WDR19: variants seen among roughly 807,000 people sequenced by gnomAD.
WDR19 encodes the protein WD repeat-containing protein 19.
In WDR19, 121 loss-of-function variants were observed where a neutral mutation model predicts 180.0. That is an observed-to-expected ratio of 0.67 (90% confidence interval 0.58 to 0.78). The LOEUF is 0.78. Among genes scored for constraint, WDR19 ranks in the 30% least tolerant of loss-of-function variants. WDR19 has a pLI of 0.00. For missense variants in WDR19, 1,450 were observed against 1,640.7 expected (o/e 0.88, Z 2.01); for synonymous variants, 497 against 540.7 (o/e 0.92, Z 1.12).
In WDR19 at chr4:39,257,723, C is replaced by T. The variant is rs564491163; in HGVS notation, c.3183+169C>T. On this transcript the variant is annotated intron_variant, in intron 28 of 36. Coordinates refer to ENST00000399820, the MANE Select transcript of WDR19 (RefSeq NM_025132.4). Reference sequence around the variant, plus strand: ...CATAGACAGCCTCATTTTTTTCATACCCTCACCCTCTTTCCCCGGTTTTTT... The same window carrying T: ...CATAGACAGCCTCATTTTTTTCATATCCTCACCCTCTTTCCCCGGTTTTTT... Among the ~76,000 whole-genome samples the T allele has an allele frequency of 2.7e-5, 4 of 150,268 alleles. No individual in the cohort carries two copies. The South Asian group carries it at 6.4e-4, about 24-fold the overall frequency.
chr4:39,186,477 T>TC lies in WDR19; in HGVS notation c.99-61dup, dbSNP rs377285143. The TC allele has an allele frequency of 1.3e-3, 812 of 602,498 alleles. 16 individuals carry two copies. In the African/African-American group the frequency reaches 0.053, roughly 39 times the overall value. 37.3% of individuals were successfully genotyped at this position (602,498 alleles called of 1,614,324 possible). A position where few individuals can be genotyped will look rare whatever the true frequency, so the allele number is the denominator to read the frequency against. ...CTGGGCAACAGAGGGAGACTCTGTC[T>TC]CAAAAAAAAAAAAAAAAAAAAAAAA... On this transcript the variant is annotated intron_variant, in intron 2 of 36. Transcript: ENST00000399820.
Position 39,182,576 on chromosome 4 carries a change from C to G in WDR19, c.6+13C>G. On this transcript the variant is annotated intron_variant, in intron 1 of 36. Transcript: ENST00000399820. ...CGTGGAGATGAAGGTAAATAACTTA[C>G]AAATTCCCGGGGTGGGGCGGGAAAA... 1.2e-6 allele frequency: 2 copies of G among 1,613,758 alleles called. No homozygotes were observed. The highest frequency in any genetic ancestry group is 2.2e-5 in the East Asian group (1 of 44,864).
In WDR19 at chr4:39,199,601, A is replaced by G. The variant is rs370721225; in HGVS notation, c.522+8A>G. On this transcript the variant is annotated splice_region_variant and intron_variant, in intron 6 of 36. Coordinates refer to ENST00000399820, the MANE Select transcript of WDR19 (RefSeq NM_025132.4). ...GGTGACACGATAAGACAGGTAATAC[A>G]GTAACGTCTCTTTGGTCTGATATAT... is the stretch of plus-strand genomic sequence containing the variant. 5.0e-6 allele frequency: 8 copies of G among 1,596,510 alleles called. No individual in the cohort carries two copies. The highest frequency in any genetic ancestry group is 6.9e-6 in the Non-Finnish European group (8 of 1,164,920).
chr4:39,278,903 A>T (rs1202948354), intron 36 of WDR19, among the ~76,000 whole-genome samples: 1 of 152,258 alleles, frequency 6.6e-6, no homozygotes, highest in African/African-American at 2.4e-5. Flanking sequence ...AGATTTTGTC[A>T]AATCTCACAG....
At chr4:39,234,733 C>A in intron 19 of WDR19, 33 bp from the exon 20 acceptor site, 1 of 1,438,696 alleles carries the variant, frequency 7.0e-7, no homozygotes, top group South Asian at 1.2e-5. Flanking sequence ...TAATTTTGCT[C>A]ATTTGAAATT....
intron 36 of WDR19, 124 bp downstream of exon 36, chr4:39,278,787 C>CT (rs1736168909): frequency 4.2e-6 from 2 of 480,000 alleles, no homozygotes; most frequent in Admixed American, 3.8e-5. Context: ...TTTGAACAAT[C>CT]TGACAACCAC....
chr4:39,185,945 G>A, intron 2 of WDR19, 128 bp downstream of exon 2: 1 of 748,226 alleles, frequency 1.3e-6, no homozygotes, highest in Non-Finnish European at 2.0e-6. Context: ...GCCCAGGATG[G>A]AGTGCAGTGG....
chr4:39,208,329 CAG>C (rs1728164453), intron 9 of WDR19, among the ~76,000 whole-genome samples: 1 of 115,410 alleles, frequency 8.7e-6, no homozygotes, highest in African/African-American at 3.3e-5. Context: ...TTTTTTGAGA[CAG>C]AGTCTCACTC....
chr4:39,229,447 A>G (rs1045979633), intron 17 of WDR19, among the ~76,000 whole-genome samples: 4 of 152,226 alleles, frequency 2.6e-5, no homozygotes, highest in African/African-American at 7.2e-5. Context: ...CTAAGCTTCC[A>G]GAGAGCCTAG....
At chr4:39,230,607 G>T (rs561286322) in intron 17 of WDR19, among the ~76,000 whole-genome samples, 2 of 152,282 alleles carry the variant, frequency 1.3e-5, no homozygotes, top group African/African-American at 4.8e-5. Flanking sequence ...GTTACCTATT[G>T]TAAGTACTCA....
intron 9 of WDR19, among the ~76,000 whole-genome samples, chr4:39,212,471 CT>C (rs1728651599): frequency 6.6e-6 from 1 of 152,064 alleles, no homozygotes; most frequent in South Asian, 2.1e-4. Context: ...AAATTTAAAA[CT>C]TTTGCTTTGT....
At chr4:39,278,285 G>A (rs1309838230) in intron 35 of WDR19, 78 bp downstream of exon 35, 1 of 1,372,076 alleles carries the variant, frequency 7.3e-7, no homozygotes, top group Non-Finnish European at 1.0e-6. Context: ...TTCTTCCGAA[G>A]CATTCTTCTA....
intron 24 of WDR19, among the ~76,000 whole-genome samples, chr4:39,246,848 C>T (rs1026043651): frequency 1.1e-4 from 17 of 152,350 alleles, no homozygotes; most frequent in Non-Finnish European, 2.1e-4. Context: ...GTAAACAAAG[C>T]GGCCAGGAAG....
rs755391755 is a variant in WDR19 at position 39,277,193 on chromosome 4, C to G, written c.3840+50C>G. On this transcript the variant is annotated intron_variant, in intron 34 of 36. Transcript: ENST00000399820. ...CTTTCTTTGCATATATATTTGTAAC[C>G]CATTTGAATACTTGATGTATGTCAA... 1.0e-5 allele frequency: 16 copies of G among 1,525,614 alleles called. No individual in the cohort carries two copies. In the African/African-American group the frequency reaches 2.2e-4, roughly 21 times the overall value. 94.5% of individuals were successfully genotyped at this position (1,525,614 alleles called of 1,614,324 possible).
intron 14 of WDR19, among the ~76,000 whole-genome samples, chr4:39,223,168 TG>T (rs1389206562): frequency 6.6e-6 from 1 of 152,170 alleles, no homozygotes; most frequent in African/African-American, 2.4e-5. Flanking sequence ...GGTTATGAAA[TG>T]TTTTAATATT....
At chr4:39,267,087 A>T (rs1438426453) in intron 29 of WDR19, among the ~76,000 whole-genome samples, 4 of 152,236 alleles carry the variant, frequency 2.6e-5, no homozygotes, top group Non-Finnish European at 5.9e-5. Flanking sequence ...CATCTCAAAA[A>T]GAAAAAGTAA....
intron 36 of WDR19, among the ~76,000 whole-genome samples, chr4:39,280,398 C>T (rs1387503578): frequency 6.6e-6 from 1 of 152,058 alleles, no homozygotes; most frequent in Non-Finnish European, 1.5e-5. Flanking sequence ...ATGGTGCATG[C>T]TTATAATCCC....
intron 5 of WDR19, 179 bp downstream of exon 5, chr4:39,194,838 A>C: frequency 1.8e-6 from 1 of 567,268 alleles, no homozygotes. Flanking sequence ...CTGCTTACTA[A>C]GAACTTGCCA....
chr4:39,269,931 G>C, intron 30 of WDR19, 45 bp from the exon 31 acceptor site: 1 of 1,606,282 alleles, frequency 6.2e-7, no homozygotes, highest in Non-Finnish European at 8.5e-7. Context: ...AATGTCCTCA[G>C]ATGTCACCCT....
Sources: gnomAD v4.1 joint callset for allele counts (sites outside exome capture counted in the v4.1 genomes callset) on GRCh38, gnomAD v4.1.1 for gene constraint, MANE v1.5 for transcripts, NCBI Gene and HGNC (gene_info 2026-07-23, HGNC 2026-07-21) for gene names.